The following STPG2 variants were observed in gnomAD, a reference collection of about 807,000 sequenced individuals.
The protein encoded by STPG2 is sperm-tail PG-rich repeat-containing protein 2.
A neutral mutation model predicts 54.2 loss-of-function variants in STPG2; 56 were observed. The ratio of observed to expected loss-of-function variants is 1.03; its 90% CI spans 0.83 to 1.29. STPG2 has a LOEUF of 1.29. Ranked by LOEUF, STPG2 falls within the 50% of genes most tolerant of loss-of-function variation. The pLI is 0.00. For missense variants in STPG2, 596 were observed against 544.9 expected, an observed-to-expected ratio of 1.09 and a Z score of -0.93; for synonymous variants, 200 against 181.8, an observed-to-expected ratio of 1.10 and a Z score of -0.81.
intron 5 of STPG2, among the ~76,000 whole-genome samples, chr4:98,050,799 A>G (rs1737294707): frequency 6.6e-6 from 1 of 151,992 alleles, no homozygotes; most frequent in Admixed American, 6.6e-5. Context: ...AGGTCAGGAG[A>G]TCAAGACCAT....
chr4:97,526,268 T>C (rs1390214726), intron 4 of STPG2, among the ~76,000 whole-genome samples: 2 of 152,042 alleles, frequency 1.3e-5, no homozygotes, highest in East Asian at 3.9e-4. Context: ...AAAGAGAATT[T>C]GTAAAATTCC....
intron 10 of STPG2, among the ~76,000 whole-genome samples, chr4:97,687,197 G>T (rs935470203): frequency 2.6e-5 from 4 of 151,866 alleles, no homozygotes; most frequent in Admixed American, 1.3e-4. Context: ...TGATCCACCC[G>T]CCTCGGCCTC....
chr4:98,025,775 A>G, intron 5 of STPG2: 1 of 1,571,238 alleles, frequency 6.4e-7, no homozygotes, highest in Non-Finnish European at 8.7e-7. Context: ...CGATGAATAC[A>G]ATGTGGAAAG....
chr4:97,819,117 G>T (rs1323644653), intron 9 of STPG2, among the ~76,000 whole-genome samples: 4 of 151,606 alleles, frequency 2.6e-5, no homozygotes, highest in Admixed American at 2.6e-4. Context: ...CCCCAAAACT[G>T]ATCTGACCAG....
Position 97,802,406 on chromosome 4 carries a change from G to A in STPG2, c.1204+38367C>T, listed in dbSNP as rs55960956. The stretch of plus-strand genomic sequence containing the variant: ...TCAGTGTTTTCTCTACACTGACAAG[G>A]AGTTATAAACATTCCTCATTTTCCT... On this transcript the variant is annotated intron_variant, in intron 9 of 10. Transcript: ENST00000295268. Among the ~76,000 whole-genome samples, 1,196 of 152,114 alleles carry A rather than the reference G, an allele frequency of 7.9e-3. 13 individuals are homozygous for A. Among genetic ancestry groups the A allele is most frequent in the African/African-American group, 0.027 (1,119 of 41,470 alleles).
At chr4:97,804,775 AT>A (rs1727501643) in intron 9 of STPG2, among the ~76,000 whole-genome samples, 1 of 151,930 alleles carries the variant, frequency 6.6e-6, no homozygotes, top group Non-Finnish European at 1.5e-5. Context: ...CAGGTGTACC[AT>A]TTTTTCATCT....
intron 8 of STPG2, among the ~76,000 whole-genome samples, chr4:97,925,942 C>A (rs553136815): frequency 6.6e-6 from 1 of 152,124 alleles, no homozygotes; most frequent in African/African-American, 2.4e-5. Context: ...GGCTTAATGA[C>A]GGTGGCATTT....
chr4:97,991,793 C>A (rs888796851), intron 5 of STPG2, among the ~76,000 whole-genome samples: 1 of 152,048 alleles, frequency 6.6e-6, no homozygotes, highest in African/African-American at 2.4e-5. Context: ...TTTATTATGA[C>A]CATTCTTGCA....
chr4:97,464,883 C>A (rs1408021224), intron 4 of STPG2, among the ~76,000 whole-genome samples: 1 of 152,092 alleles, frequency 6.6e-6, no homozygotes, highest in African/African-American at 2.4e-5. Context: ...AACACATACA[C>A]CCTTAAAAAA....
At chr4:98,041,573 G>A (rs1736959425) in intron 5 of STPG2, among the ~76,000 whole-genome samples, 1 of 151,884 alleles carries the variant, frequency 6.6e-6, no homozygotes, top group South Asian at 2.1e-4. Flanking sequence ...TGCTGCTTCT[G>A]CATCTATTGA....
intron 8 of STPG2, among the ~76,000 whole-genome samples, chr4:97,859,069 T>A (rs1318018697): frequency 1.3e-5 from 2 of 152,208 alleles, no homozygotes; most frequent in Non-Finnish European, 2.9e-5. Flanking sequence ...ACTTTTAAAT[T>A]TTTAAATTAT....
chr4:97,988,045 C>CACACAT (rs1408220710), intron 5 of STPG2, among the ~76,000 whole-genome samples: 2 of 151,708 alleles, frequency 1.3e-5, no homozygotes, highest in African/African-American at 4.8e-5. Flanking sequence ...CACACACACA[C>CACACAT]ACACACACAC....
downstream of STPG2, among the ~76,000 whole-genome samples, chr4:97,558,312 CAT>C (rs1732130215): frequency 6.6e-6 from 1 of 152,136 alleles, no homozygotes; most frequent in Non-Finnish European, 1.5e-5. Context: ...AACAGTGAAA[CAT>C]AGGTGGTAGG....
intron 8 of STPG2, among the ~76,000 whole-genome samples, chr4:97,870,487 A>T (rs191434158): frequency 6.6e-6 from 1 of 151,498 alleles, no homozygotes; most frequent in African/African-American, 2.4e-5. Context: ...TGAAGCATGT[A>T]TACCAGGCAA....
At chr4:97,450,586 CA>C (rs1425909965) in intron 4 of STPG2, among the ~76,000 whole-genome samples, 1 of 151,850 alleles carries the variant, frequency 6.6e-6, no homozygotes, top group Non-Finnish European at 1.5e-5. Flanking sequence ...GGAATAGGGT[CA>C]GGGGAGGCAC....
At chr4:97,677,800 C>A (rs188872374) in intron 10 of STPG2, among the ~76,000 whole-genome samples, 63 of 152,190 alleles carry the variant, frequency 4.1e-4, no homozygotes, top group Non-Finnish European at 8.1e-4. Context: ...CTTCATGGAG[C>A]CTCCATATGA....
intron 3 of STPG2, among the ~76,000 whole-genome samples, chr4:98,121,020 T>C (rs1739664697): frequency 6.6e-6 from 1 of 152,210 alleles, no homozygotes; most frequent in South Asian, 2.1e-4. Flanking sequence ...TCTTCTAGGA[T>C]TTTTATAGTT....
chr4:97,442,998 G>T (rs1729128415), intron 4 of STPG2, among the ~76,000 whole-genome samples: 1 of 152,020 alleles, frequency 6.6e-6, no homozygotes, highest in South Asian at 2.1e-4. Flanking sequence ...TGACAAACTG[G>T]TAAAGAAATT....
chr4:97,532,620 G>A (rs1731438529), intron 4 of STPG2, among the ~76,000 whole-genome samples: 1 of 152,162 alleles, frequency 6.6e-6, no homozygotes, highest in Non-Finnish European at 1.5e-5. Flanking sequence ...TAAATTAACT[G>A]TATTCATGGC....
Sources: gnomAD v4.1 joint callset for allele counts (sites outside exome capture counted in the v4.1 genomes callset) on GRCh38, gnomAD v4.1.1 for gene constraint, MANE v1.5 for transcripts, NCBI Gene and HGNC (gene_info 2026-07-23, HGNC 2026-07-21) for gene names.